RGS7BP: variants seen among roughly 807,000 people sequenced by gnomAD.
RGS7BP encodes regulator of G protein signaling 7 binding protein, also known as regulator of G protein signaling 7-binding protein.
RGS7BP carries 9 observed loss-of-function variants against 31.3 expected under a neutral mutation model. The ratio of observed to expected loss-of-function variants is 0.29; its 90% confidence interval spans 0.17 to 0.50. The LOEUF (loss-of-function observed/expected upper bound fraction) is 0.50, where lower values mean the gene tolerates loss of function less well. RGS7BP is among the 20% of genes least tolerant of loss of function. The pLI is 0.98. For missense variants in RGS7BP, 274 were observed against 322.0 expected (o/e 0.85, Z 1.14); for synonymous variants, 115 against 120.1 (o/e 0.96, Z 0.28).
intron 2 of RGS7BP, among the ~76,000 whole-genome samples, chr5:64,511,555 T>C (rs572624026): frequency 1.6e-4 from 25 of 152,112 alleles, no homozygotes; most frequent in Non-Finnish European, 3.2e-4. Flanking sequence ...CTGCACTGCT[T>C]GGGGTGTGTG....
intron 2 of RGS7BP, among the ~76,000 whole-genome samples, chr5:64,532,038 C>T (rs1051948218): frequency 6.6e-6 from 1 of 151,928 alleles, no homozygotes; most frequent in Non-Finnish European, 1.5e-5. Context: ...CATTGCTTAT[C>T]GGGAAGTGCT....
chr5:64,586,268 AC>A (rs1742748447), intron 3 of RGS7BP, among the ~76,000 whole-genome samples: 1 of 151,912 alleles, frequency 6.6e-6, no homozygotes, highest in African/African-American at 2.4e-5. Context: ...CTATGAACTG[AC>A]CCTGAAAACC....
At chr5:64,575,696 C>T (rs1485069935) in intron 2 of RGS7BP, 78 bp from the exon 3 acceptor site, 5 of 1,496,970 alleles carry the variant, frequency 3.3e-6, no homozygotes, top group Admixed American at 2.3e-5. Context: ...AGCATTTTTC[C>T]CTCTCGGAGC....
intron 2 of RGS7BP, among the ~76,000 whole-genome samples, chr5:64,556,607 G>T (rs549995612): frequency 6.6e-6 from 1 of 151,926 alleles, no homozygotes; most frequent in Non-Finnish European, 1.5e-5. Context: ...CTTTAATGTC[G>T]CCATAATACT....
At chr5:64,589,669 C>T (rs1003163148) in intron 3 of RGS7BP, among the ~76,000 whole-genome samples, 1 of 152,110 alleles carries the variant, frequency 6.6e-6, no homozygotes, top group Non-Finnish European at 1.5e-5. Context: ...CACAGTGGCT[C>T]ATGCCTGTAA....
intron 2 of RGS7BP, among the ~76,000 whole-genome samples, chr5:64,552,329 A>G (rs1741816677): frequency 6.6e-6 from 1 of 152,162 alleles, no homozygotes; most frequent in South Asian, 2.1e-4. Context: ...TATTTTTTCC[A>G]AAGTCAGTAA....
chr5:64,556,980 C>A (rs73111057), intron 2 of RGS7BP, among the ~76,000 whole-genome samples: 1 of 152,068 alleles, frequency 6.6e-6, no homozygotes, highest in Non-Finnish European at 1.5e-5. Context: ...TGAATTAGTG[C>A]ACATCACTTG....
chr5:64,598,800 T>G (rs1334489509), intron 5 of RGS7BP, among the ~76,000 whole-genome samples: 1 of 152,200 alleles, frequency 6.6e-6, no homozygotes, highest in African/African-American at 2.4e-5. Context: ...TAACATATAT[T>G]GAGAACTTAC....
At chr5:64,540,648 T>C (rs1741504854) in intron 2 of RGS7BP, among the ~76,000 whole-genome samples, 1 of 152,232 alleles carries the variant, frequency 6.6e-6, no homozygotes, top group Non-Finnish European at 1.5e-5. Context: ...TTTGTTTTCT[T>C]CAGTTCAAGT....
chr5:64,573,129 C>A (rs1309374857), intron 2 of RGS7BP, among the ~76,000 whole-genome samples: 2 of 151,468 alleles, frequency 1.3e-5, no homozygotes, highest in Non-Finnish European at 2.9e-5. Context: ...TCATCCATGC[C>A]CCTACAAAGG....
intron 2 of RGS7BP, among the ~76,000 whole-genome samples, chr5:64,511,578 C>T (rs1048533366): frequency 1.3e-5 from 2 of 152,134 alleles, no homozygotes; most frequent in Non-Finnish European, 2.9e-5. Flanking sequence ...TATGTGTCCA[C>T]GTGCCTATCA....
In RGS7BP at chr5:64,612,241, C is replaced by T. The variant is rs556162171; in HGVS notation, c.*2989C>T. On this transcript the variant is annotated 3_prime_UTR_variant, in exon 6 of 6. Coordinates refer to ENST00000334025, the MANE Select transcript of RGS7BP (RefSeq NM_001029875.3). Reference sequence around the variant, plus strand: ...ATCAGTCAGTGGCTGGGCCCAAAGGCACTTTTGGGTAAGATAAGTGAAGAA... The same window carrying T: ...ATCAGTCAGTGGCTGGGCCCAAAGGTACTTTTGGGTAAGATAAGTGAAGAA... 1.8e-4 allele frequency: 28 copies of T among 152,140 alleles called. No homozygotes were observed. The highest frequency in any genetic ancestry group is 6.5e-4 in the African/African-American group (27 of 41,426). 9.4% of individuals were successfully genotyped at this position (152,140 alleles called of 1,614,324 possible). A position where few individuals can be genotyped will look rare whatever the true frequency, so the allele number is the denominator to read the frequency against.
At chr5:64,587,189 C>G (rs1036303011) in intron 3 of RGS7BP, among the ~76,000 whole-genome samples, 1 of 152,134 alleles carries the variant, frequency 6.6e-6, no homozygotes, top group African/African-American at 2.4e-5. Context: ...GGCCATAGCT[C>G]TGTCACACAG....
rs563819477 is a variant in RGS7BP, at chr5:64,580,564, A to G, written c.463+4660A>G. The stretch of plus-strand genomic sequence containing the variant: ...GTCTCCTTCCCCCCAGAACTGATAT[A>G]AATCCATATAAATATATAGGTATAT... On this transcript the variant is annotated intron_variant, in intron 3 of 5. Transcript: ENST00000334025. Among the ~76,000 whole-genome samples the G allele has an allele frequency of 3.6e-4, 54 of 151,866 alleles. No individual in the cohort carries two copies. The South Asian group carries it at 0.011, about 31-fold the overall frequency.
At chr5:64,541,782 C>G (rs1224999466) in intron 2 of RGS7BP, among the ~76,000 whole-genome samples, 1 of 152,018 alleles carries the variant, frequency 6.6e-6, no homozygotes. Flanking sequence ...ACTCAGTGTA[C>G]TAAATCCACC....
chr5:64,563,088 G>C (rs1490521854), intron 2 of RGS7BP, among the ~76,000 whole-genome samples: 1 of 151,790 alleles, frequency 6.6e-6, no homozygotes, highest in Non-Finnish European at 1.5e-5. Flanking sequence ...TGGAAGTCTA[G>C]CATTGGCACA....
intron 3 of RGS7BP, among the ~76,000 whole-genome samples, chr5:64,583,350 C>T (rs999827355): frequency 6.6e-6 from 1 of 152,124 alleles, no homozygotes; most frequent in African/African-American, 2.4e-5. Flanking sequence ...GATGACGCCA[C>T]TGCACTCCAG....
In RGS7BP at chr5:64,506,581, G is replaced by C; in HGVS notation, c.-44G>C. On this transcript the variant is annotated 5_prime_UTR_variant, in exon 1 of 6. Coordinates refer to ENST00000334025, the MANE Select transcript of RGS7BP (RefSeq NM_001029875.3). The surrounding 1 kb of genome is among the most constrained non-coding windows in gnomAD (Gnocchi z 4.6). ...GGGCAACAACCGGGCCGCCCGCGCC[G>C]GGGCGCACTGCACCAGCGGCTTCGG... The C allele has an allele frequency of 6.5e-7, 1 of 1,540,160 alleles. No homozygotes were observed. Among genetic ancestry groups the C allele is most frequent in the Non-Finnish European group, 8.8e-7 (1 of 1,134,058 alleles).
chr5:64,596,902 T>C (rs1428475552), intron 4 of RGS7BP, among the ~76,000 whole-genome samples: 1 of 152,122 alleles, frequency 6.6e-6, no homozygotes, highest in African/African-American at 2.4e-5. Context: ...TTTTGTGAAA[T>C]GGACTGAGAG....
Sources: gnomAD v4.1 joint callset for allele counts (sites outside exome capture counted in the v4.1 genomes callset) on GRCh38, gnomAD v4.1.1 for gene constraint, Gnocchi (gnomAD v3.1) non-coding constraint, MANE v1.5 for transcripts, NCBI Gene and HGNC (gene_info 2026-07-23, HGNC 2026-07-21) for gene names.